PEAR1: variants seen among roughly 807,000 people sequenced by gnomAD.
The protein encoded by PEAR1 is multiple EGF-like domains protein 12.
Under a neutral mutation model 131.2 loss-of-function variants are expected in PEAR1, and 113 were observed. The ratio of observed to expected loss-of-function variants is 0.86; its 90% CI spans 0.74 to 1.01. The LOEUF (loss-of-function observed/expected upper bound fraction) is 1.01. Among genes scored for constraint, PEAR1 ranks in the 50% least tolerant of loss-of-function variants. PEAR1 has a pLI of 0.00. For synonymous variants in PEAR1, 565 were observed against 523.3 expected (o/e 1.08, Z -1.09); for missense variants, 1,408 against 1,391.1 (o/e 1.01, Z -0.19).
rs1175218970 is a variant in PEAR1, at chr1:156,908,120, G to A, written c.903-8G>A. The A allele has an allele frequency of 1.9e-6, 3 of 1,595,836 alleles. No homozygotes were observed. Among genetic ancestry groups the A allele is most frequent in the Middle Eastern group, 1.7e-4 (1 of 6,012 alleles). On this transcript the variant is annotated splice_region_variant and splice_polypyrimidine_tract_variant and intron_variant, in intron 8 of 22. Coordinates refer to ENST00000292357, the MANE Select transcript of PEAR1 (RefSeq NM_001080471.3). This position sits in a 1 kb window ranked among gnomAD's most constrained non-coding sequence, Gnocchi z 4.2. ...GGCGCCGCCAGGCTCACTCAGCTAG[G>A]TGCCCAGGTGCCGGGAGGAGTGCCC...
chr1:156,900,722 T>C (rs1483757910), intron 1 of PEAR1, among the ~76,000 whole-genome samples: 4 of 151,594 alleles, frequency 2.6e-5, no homozygotes, highest in Admixed American at 2.0e-4. Flanking sequence ...AGGGTGAAGG[T>C]TGAGTAGGGG....
At position 156,910,462 on chromosome 1, in the gene PEAR1, G is replaced by A. The variant is rs1650931927; in HGVS notation, c.1825+82G>A. On this transcript the variant is annotated intron_variant, in intron 14 of 22. Transcript: ENST00000292357. ...GCTGCCAGAGCACCCCTCCCCCCGC[G>A]CCCGCCGCCCACCTCTCCCACCTTA... The A allele has an allele frequency of 2.6e-6, 4 of 1,539,492 alleles. No individual in the cohort carries two copies. The South Asian group carries it at 3.7e-5, about 14-fold the overall frequency.
chr1:156,906,580 GA>G, intron 5 of PEAR1, 56 bp from the exon 6 acceptor site: 1 of 1,602,016 alleles, frequency 6.2e-7, no homozygotes, highest in Non-Finnish European at 8.5e-7. Context: ...CAGAGACGGG[GA>G]GGCTGGGGAT....
At position 156,910,239 on chromosome 1, in the gene PEAR1, C is replaced by T. The variant is rs200100197; in HGVS notation, c.1684C>T (p.Arg562Cys). Residue 562 changes from arginine (R) to cysteine (C), a missense_variant, in exon 14 of 23, where the codon CGC (arginine) becomes TGC (cysteine). Coordinates refer to ENST00000292357, the MANE Select transcript of PEAR1 (RefSeq NM_001080471.3). ...CCGACTGCTGTCTCCCACAGGTGCC[C>T]GCTGCCACCTGTCCTGCCCTGAGGG... ...CQCQAGWMGA[R>C]CHLSCPEGLW... 104 of 1,610,124 alleles carry T rather than the reference C, an allele frequency of 6.5e-5. 1 individual carries two copies. The East Asian group carries it at 1.7e-3, about 26-fold the overall frequency.
chr1:156,911,983 C>T (rs954802847), intron 15 of PEAR1, among the ~76,000 whole-genome samples: 2 of 152,218 alleles, frequency 1.3e-5, no homozygotes, highest in Non-Finnish European at 2.9e-5. Flanking sequence ...GGTTGTGTGG[C>T]ACTGAATACA....
At chr1:156,913,352 C>T (rs1651481237) in intron 19 of PEAR1, 39 bp from the exon 20 acceptor site, 1 of 1,606,978 alleles carries the variant, frequency 6.2e-7, no homozygotes, top group Non-Finnish European at 8.5e-7. Context: ...AAGCCCTGTC[C>T]TTGCCTCTTG....
rs752264278 is a variant in PEAR1 at position 156,908,996 on chromosome 1, C to A, written c.1371C>A (p.Ile457=). The change falls in exon 11 of 23, where the codon ATC becomes ATA. Residue 457 remains isoleucine, a synonymous_variant. Transcript: ENST00000292357. The surrounding 1 kb of genome is among the most constrained non-coding windows in gnomAD (Gnocchi z 4.2). ...CACGCTGCTCATGTGAAAATGCCAT[C>A]GCCTGCTCACCCATCGACGGCGAGT... The part of the protein sequence containing the change: ...CSARCSCENA[I]ACSPIDGECV... The A allele has an allele frequency of 6.2e-7, 1 of 1,614,102 alleles. No homozygotes were observed. The highest frequency in any genetic ancestry group is 1.1e-5 in the South Asian group (1 of 91,072).
At chr1:156,913,029 G>A in intron 18 of PEAR1, 47 bp downstream of exon 18, 1 of 1,605,638 alleles carries the variant, frequency 6.2e-7, no homozygotes, top group Non-Finnish European at 8.5e-7. Context: ...CTGGCTCATA[G>A]GCACAAGAGT....
At position 156,910,286 on chromosome 1, in the gene PEAR1, C is replaced by G. The variant is rs778335664; in HGVS notation, c.1731C>G (p.Ser577Arg). The G allele has an allele frequency of 1.5e-5, 24 of 1,613,472 alleles. No individual in the cohort carries two copies. The South Asian group carries it at 2.6e-4, about 18-fold the overall frequency. The part of the protein sequence containing the change: ...CPEGLWGVNC[S>R]NTCTCKNGGT... Reference sequence around the variant, plus strand: ...AGGGCTTATGGGGAGTCAACTGTAGCAACACCTGCACCTGCAAGAATGGGG... The same window carrying G: ...AGGGCTTATGGGGAGTCAACTGTAGGAACACCTGCACCTGCAAGAATGGGG... Residue 577 changes from serine (S) to arginine (R), a missense_variant, in exon 14 of 23, where the codon AGC (serine) becomes AGG (arginine). Coordinates refer to ENST00000292357, the MANE Select transcript of PEAR1 (RefSeq NM_001080471.3).
Position 156,910,743 on chromosome 1 carries a change from C to A in PEAR1, c.1951C>A (p.Pro651Thr), listed in dbSNP as rs751608905. Reference protein sequence around the residue: ...AGWTGPDCSQPCPPGHWGENC... With the variant: ...AGWTGPDCSQTCPPGHWGENC... ...CTGGACAGGCCCCGACTGCTCCCAGCGTATGTGGTAGCTTGTGTGTCTGAG... is the reference window on the plus strand; with the variant it reads ...CTGGACAGGCCCCGACTGCTCCCAGAGTATGTGGTAGCTTGTGTGTCTGAG... The change falls in exon 15 of 23, where the codon CCA becomes ACA. Residue 651 changes from proline to threonine, a missense_variant and splice_region_variant. By Grantham distance (38) the Pro-to-Thr change is conservative. Coordinates refer to ENST00000292357, the MANE Select transcript of PEAR1 (RefSeq NM_001080471.3). The A allele has an allele frequency of 1.9e-6, 3 of 1,613,970 alleles. No individual in the cohort carries two copies. Among genetic ancestry groups the A allele is most frequent in the Non-Finnish European group, 2.5e-6 (3 of 1,179,960 alleles).
intron 18 of PEAR1, 37 bp from the exon 19 acceptor site, chr1:156,913,157 T>C (rs529489625): frequency 3.1e-6 from 5 of 1,601,350 alleles, no homozygotes; most frequent in East Asian, 2.2e-5. Context: ...CTCCTGCCCA[T>C]CGCTGAGCTC....
chr1:156,913,775 G>T lies in PEAR1; in HGVS notation c.2713+15G>T. ...CTACAATAAAGGTATGGGCACAGGG[G>T]CAACAAGGGAGGTGGCTGAGCTGGG... On this transcript the variant is annotated intron_variant, in intron 21 of 22. Transcript: ENST00000292357. 6.2e-7 allele frequency: 1 copy of T among 1,613,284 alleles called. No homozygotes were observed. The highest frequency in any genetic ancestry group is 8.5e-7 in the Non-Finnish European group (1 of 1,179,514).
intron 15 of PEAR1, among the ~76,000 whole-genome samples, chr1:156,911,090 T>TTTCTTTC (rs1186532498): frequency 8.5e-6 from 1 of 116,960 alleles, no homozygotes; most frequent in African/African-American, 4.0e-5. Flanking sequence ...TCTTTCTTTC[T>TTTCTTTC]TTCCTTTCTT....
chr1:156,904,144 C>T lies in PEAR1; in HGVS notation c.101+117C>T. On this transcript the variant is annotated intron_variant, in intron 2 of 22. Transcript: ENST00000292357. ...CTTAATCTCCTTCCTTCTCTCTAGT[C>T]TCTCCCCTCCCGCCTATTTCTCTGT... The T allele has an allele frequency of 3.8e-6, 3 of 785,954 alleles. No individual in the cohort carries two copies. In the South Asian group the frequency reaches 4.8e-5, roughly 13 times the overall value. The allele number at this position is 785,954 out of a possible 1,614,324, so 48.7% of individuals were successfully genotyped here.
chr1:156,901,320 G>A (rs1361126245), intron 1 of PEAR1, among the ~76,000 whole-genome samples: 1 of 152,238 alleles, frequency 6.6e-6, no homozygotes, highest in Non-Finnish European at 1.5e-5. Flanking sequence ...CAGTCCTTCA[G>A]TCCATCTCAA....
At position 156,914,744 on chromosome 1, in the gene PEAR1, C is replaced by T. The variant is rs1316487998; in HGVS notation, c.3060C>T (p.Asp1020=). 6.2e-7 allele frequency: 1 copy of T among 1,614,102 alleles called. No individual in the cohort carries two copies. Among genetic ancestry groups the T allele is most frequent in the East Asian group, 2.2e-5 (1 of 44,884 alleles). ...ACAGCCACATCCCTGGACATTATGA[C>T]TTGCCTCCAGTACGGCATCCCCCAT... ...PKNSHIPGHY[D]LPPVRHPPSP... Residue 1020 remains aspartate (D), a synonymous_variant, in exon 23 of 23, where the codon GAC becomes GAT. Transcript: ENST00000292357.
chr1:156,909,879 G>C lies in PEAR1; in HGVS notation c.1540G>C (p.Gly514Arg). ...AACTGGAGCCTGTACCTGCACCCCT[G>C]GGTGGCATGGGGCCCACTGCCAGCT... The part of the protein sequence containing the change: ...PQTGACTCTP[G>R]WHGAHCQLPC... The change falls in exon 12 of 23, where the codon GGG becomes CGG. Residue 514 changes from glycine to arginine, a missense_variant. Coordinates refer to ENST00000292357, the MANE Select transcript of PEAR1 (RefSeq NM_001080471.3). The C allele has an allele frequency of 2.5e-6, 4 of 1,610,234 alleles. No homozygotes were observed. The highest frequency in any genetic ancestry group is 3.4e-6 in the Non-Finnish European group (4 of 1,177,150).
At chr1:156,894,423 A>G (rs933740368) in intron 1 of PEAR1, among the ~76,000 whole-genome samples, 4 of 152,206 alleles carry the variant, frequency 2.6e-5, no homozygotes, top group Non-Finnish European at 4.4e-5. Flanking sequence ...GACGCTAGAT[A>G]AACAGATTAT....
At chr1:156,900,041 G>T (rs1649530319) in intron 1 of PEAR1, among the ~76,000 whole-genome samples, 1 of 152,034 alleles carries the variant, frequency 6.6e-6, no homozygotes. Flanking sequence ...GGAGGGGTTG[G>T]GGCACAGTGA....
Sources: gnomAD v4.1 joint callset for allele counts (sites outside exome capture counted in the v4.1 genomes callset) on GRCh38, gnomAD v4.1.1 for gene constraint, Gnocchi (gnomAD v3.1) non-coding constraint, MANE v1.5 for transcripts, NCBI Gene and HGNC (gene_info 2026-07-23, HGNC 2026-07-21) for gene names.